RGS5: variants seen among roughly 807,000 people sequenced by gnomAD.
RGS5 encodes the protein regulator of G-protein signalling 5.
Under a neutral mutation model 18.9 loss-of-function variants are expected in RGS5, and 20 were observed. The observed-to-expected ratio is 1.06, with a 90% confidence interval of 0.74 to 1.54. RGS5 has a LOEUF of 1.54. RGS5 is among the 40% of genes most tolerant of loss of function. RGS5 has a pLI of 0.00. For synonymous variants in RGS5, 57 were observed against 76.2 expected, an observed-to-expected ratio of 0.75 and a Z score of 1.31; for missense variants, 201 against 211.8, an observed-to-expected ratio of 0.95 and a Z score of 0.32.
In RGS5 at chr1:163,210,542, G is replaced by C. The variant is rs1660080710; in HGVS notation, c.69+6984C>G. On this transcript the variant is annotated intron_variant, in intron 1 of 5. Transcript: ENST00000367903. Reference sequence around the variant, plus strand: ...GGGTTAAGAGTACAGACTGAAGAAAGAGAGAAAGTATCTCAATTCAAACTA... The same window carrying C: ...GGGTTAAGAGTACAGACTGAAGAAACAGAGAAAGTATCTCAATTCAAACTA... Among the ~76,000 whole-genome samples the C allele has an allele frequency of 2.6e-5, 4 of 152,216 alleles. No individual in the cohort carries two copies. The South Asian group carries it at 8.3e-4, about 32-fold the overall frequency.
chr1:163,250,401 T>C (rs1271973610), intron 2 of RGS5, among the ~76,000 whole-genome samples: 2 of 152,228 alleles, frequency 1.3e-5, no homozygotes, highest in Admixed American at 1.3e-4. Flanking sequence ...GTCTCAAATG[T>C]TCCCACAGCA....
intron 1 of RGS5, among the ~76,000 whole-genome samples, chr1:163,186,277 GTCAGGCTGGTCTTGAACTCCTTACC>G (rs1464238436): frequency 6.6e-6 from 1 of 151,792 alleles, no homozygotes; most frequent in Non-Finnish European, 1.5e-5. Flanking sequence ...CACCATGTTG[GTCAGGCTGGTCTTGAACTCCTTACC>G]TCGTGATCTG....
chr1:163,198,385 T>C (rs1445476898), intron 1 of RGS5, among the ~76,000 whole-genome samples: 1 of 152,078 alleles, frequency 6.6e-6, no homozygotes, highest in Non-Finnish European at 1.5e-5. Flanking sequence ...AGCAAAGGGC[T>C]TGTAGCTCTT....
chr1:163,175,563 A>T (rs1658511531), intron 1 of RGS5, among the ~76,000 whole-genome samples: 2 of 152,160 alleles, frequency 1.3e-5, no homozygotes, highest in South Asian at 4.2e-4. Flanking sequence ...ATCAAGATGG[A>T]CTCTTAACTG....
At chr1:163,241,089 T>G (rs770520400) in intron 2 of RGS5, among the ~76,000 whole-genome samples, 1 of 152,164 alleles carries the variant, frequency 6.6e-6, no homozygotes, top group Non-Finnish European at 1.5e-5. Context: ...CCCTGACCAC[T>G]CTCTCTGAAA....
chr1:163,227,380 A>G (rs902969414), intron 2 of RGS5, among the ~76,000 whole-genome samples: 1 of 152,164 alleles, frequency 6.6e-6, no homozygotes. Context: ...CAGGAGAGAG[A>G]ATGAGTGCAA....
chr1:163,219,396 T>A (rs1052032209), upstream of RGS5, among the ~76,000 whole-genome samples: 2 of 152,172 alleles, frequency 1.3e-5, no homozygotes, highest in Non-Finnish European at 2.9e-5. Context: ...GGGAAACTAA[T>A]CCATACTTTT....
intron 1 of RGS5, among the ~76,000 whole-genome samples, chr1:163,195,822 T>C (rs1659542221): frequency 6.6e-6 from 1 of 152,116 alleles, no homozygotes; most frequent in South Asian, 2.1e-4. Context: ...AATTGTTTAA[T>C]AGGGGTCCTT....
At chr1:163,314,571 A>C (rs1299964389) in intron 1 of RGS5, among the ~76,000 whole-genome samples, 4 of 151,978 alleles carry the variant, frequency 2.6e-5, no homozygotes, top group Non-Finnish European at 5.9e-5. Context: ...AACAAAAAAA[A>C]CCTACTTATC....
intron 1 of RGS5, among the ~76,000 whole-genome samples, chr1:163,179,848 G>A (rs1348449417): frequency 6.6e-6 from 1 of 152,088 alleles, no homozygotes; most frequent in Admixed American, 6.5e-5. Flanking sequence ...CTTGTGAATG[G>A]CACCATGTAT....
At chr1:163,304,988 C>T (rs1419614700) in intron 2 of RGS5, 2 of 152,226 alleles carry the variant, frequency 1.3e-5, no homozygotes, top group African/African-American at 4.8e-5. Context: ...CTATCTTAAA[C>T]TTTTCTCTCT....
chr1:163,208,473 G>C (rs1660009345), intron 1 of RGS5, among the ~76,000 whole-genome samples: 1 of 115,298 alleles, frequency 8.7e-6, no homozygotes, highest in South Asian at 3.4e-4. Context: ...AGCTATGATA[G>C]TGTACACTCC....
chr1:163,310,625 G>C (rs1010735330), intron 1 of RGS5, among the ~76,000 whole-genome samples: 2 of 150,292 alleles, frequency 1.3e-5, no homozygotes, highest in Admixed American at 1.3e-4. Context: ...TTCAAAAGAA[G>C]GTGTTTTGTC....
chr1:163,238,638 C>G, intron 2 of RGS5: 2 of 251,926 alleles, frequency 7.9e-6, no homozygotes, highest in Non-Finnish European at 1.6e-5. Flanking sequence ...GGTGGAATAT[C>G]AGGAATGAGG....
chr1:163,319,627 G>T (rs1281353916), intron 1 of RGS5, among the ~76,000 whole-genome samples: 2 of 152,162 alleles, frequency 1.3e-5, no homozygotes, highest in African/African-American at 4.8e-5. Flanking sequence ...AAGATGCACG[G>T]ATAAGATTTT....
At chr1:163,252,470 C>T (rs1333879075) in intron 2 of RGS5, among the ~76,000 whole-genome samples, 1 of 152,096 alleles carries the variant, frequency 6.6e-6, no homozygotes, top group Non-Finnish European at 1.5e-5. Flanking sequence ...GTTGATTTGA[C>T]CAAGATTATC....
intron 1 of RGS5, among the ~76,000 whole-genome samples, chr1:163,194,117 C>A (rs780989708): frequency 6.6e-6 from 1 of 152,134 alleles, no homozygotes; most frequent in Non-Finnish European, 1.5e-5. Flanking sequence ...GAAACCGAGA[C>A]CACCCTTTTT....
chr1:163,246,140 A>C (rs1289162499), intron 2 of RGS5, among the ~76,000 whole-genome samples: 1 of 151,734 alleles, frequency 6.6e-6, no homozygotes, highest in Non-Finnish European at 1.5e-5. Flanking sequence ...TGGCGTAAGT[A>C]AACCCAGGAG....
chr1:163,155,318 T>C (rs1212158942), intron 3 of RGS5, among the ~76,000 whole-genome samples: 1 of 152,214 alleles, frequency 6.6e-6, no homozygotes, highest in African/African-American at 2.4e-5. Flanking sequence ...TTACTGACTT[T>C]CCAGGGAATA....
Sources: allele counts gnomAD v4.1 joint callset (sites outside exome capture counted in the v4.1 genomes callset), GRCh38; gene constraint gnomAD v4.1.1; transcripts MANE v1.5; gene names NCBI Gene and HGNC (gene_info 2026-07-23, HGNC 2026-07-21).